MZT2A: variants seen among roughly 807,000 people sequenced by gnomAD.
MZT2A encodes mitotic spindle organizing protein 2A.
In MZT2A, 8 loss-of-function variants were observed where a neutral mutation model predicts 12.4. The observed-to-expected ratio is 0.64, with a 90% confidence interval of 0.38 to 1.16. MZT2A has a LOEUF of 1.16. Ranked by LOEUF, MZT2A falls within the 50% of genes most tolerant of loss-of-function variation. The pLI is 0.01. For synonymous variants in MZT2A, 88 were observed against 107.5 expected (o/e 0.82, Z 1.12); for missense variants, 181 against 223.6 (o/e 0.81, Z 1.22).
At chr2:131,478,737 T>G (rs55782974) in intron 2 of MZT2A, 126,071 of 356,662 alleles carry the variant, frequency 0.35, 27,136 homozygotes, top group East Asian at 0.74. Context: ...GCTGGTGCAC[T>G]AGAGTCTTGA....
chr2:131,480,634 C>G, downstream of MZT2A: 1 of 1,613,746 alleles, frequency 6.2e-7, no homozygotes. Flanking sequence ...AAGTACATGG[C>G]CTGCTGCATG....
Position 131,490,811 on chromosome 2 carries a change from A to G in MZT2A, c.319+1065T>C, listed in dbSNP as rs372071866. The G allele has an allele frequency of 2.0e-4, 305 of 1,549,914 alleles. 1 individual carries two copies. Among genetic ancestry groups the G allele is most frequent in the South Asian group, 7.5e-4 (63 of 84,054 alleles). On this transcript the variant is annotated intron_variant, in intron 2 of 2. Transcript: ENST00000309451. ...GGCAGCTGGGCTGTGGAGCATAACC[A>G]GAGAGGCCGCAGGCTGCGGGCTGGA...
downstream of MZT2A, among the ~76,000 whole-genome samples, chr2:131,483,717 AAAAC>A (rs892722381): frequency 4.1e-4 from 60 of 145,286 alleles, no homozygotes; most frequent in South Asian, 1.7e-3. Flanking sequence ...TCCGTTTCAG[AAAAC>A]AAACAAACAA....
At chr2:131,476,174 G>C (rs746771460) in intron 2 of MZT2A, 4 of 1,613,862 alleles carry the variant, frequency 2.5e-6, no homozygotes, top group Non-Finnish European at 3.4e-6. Context: ...TGGCAGTAGC[G>C]TTGGGCTGAA....
In MZT2A at chr2:131,478,223, G is replaced by C. The variant is rs1312956944; in HGVS notation, c.279-6041C>G. On this transcript the variant is annotated intron_variant and NMD_transcript_variant, in intron 2 of 4. Coordinates refer to the MZT2A transcript ENST00000427024. ...GTGTCCAGATCGGCAATGCCTGCTG[G>C]GAACTGTACTGCCTTGAACATGGAA... The C allele has an allele frequency of 8.1e-6, 13 of 1,613,982 alleles. No homozygotes were observed. The Admixed American group carries it at 2.0e-4, about 25-fold the overall frequency.
intron 2 of MZT2A, chr2:131,491,625 G>C: frequency 1.6e-6 from 1 of 620,070 alleles, no homozygotes; most frequent in Non-Finnish European, 2.7e-6. Context: ...GAGGAGCTAA[G>C]CGGAGGAGCC....
intron 2 of MZT2A, chr2:131,490,196 G>C: frequency 1.3e-6 from 1 of 755,108 alleles, no homozygotes; most frequent in African/African-American, 1.9e-5. Context: ...CCTGGAAAGT[G>C]TCCCAACTCA....
At chr2:131,480,503 C>T (rs767080289), downstream of MZT2A, 22 of 1,591,500 alleles carry the variant, frequency 1.4e-5, 1 homozygote, top group Non-Finnish European at 1.8e-5. Flanking sequence ...TCCCCCTGGC[C>T]ACCTATGCCC....
upstream of MZT2A, chr2:131,492,706 C>T: frequency 7.9e-7 from 1 of 1,261,248 alleles, no homozygotes. Flanking sequence ...ATACATTGGG[C>T]GCTCAGTCAA....
At chr2:131,486,566 A>C (rs1679059564) in intron 2 of MZT2A, 2 of 152,134 alleles carry the variant, frequency 1.3e-5, no homozygotes, top group South Asian at 4.1e-4. Flanking sequence ...TCCCTTCTGG[A>C]AACAAGGATG....
chr2:131,485,699 A>G (rs893332400), intron 2 of MZT2A, among the ~76,000 whole-genome samples: 2 of 152,076 alleles, frequency 1.3e-5, no homozygotes, highest in Non-Finnish European at 2.9e-5. Flanking sequence ...CCAACAGAAC[A>G]CCCAGCCTCA....
chr2:131,483,194 G>A (rs1225098160), downstream of MZT2A, among the ~76,000 whole-genome samples: 1 of 152,130 alleles, frequency 6.6e-6, no homozygotes, highest in Non-Finnish European at 1.5e-5. Flanking sequence ...GTGATTTTTC[G>A]GGCTTCTTTA....
chr2:131,476,168 A>G lies in MZT2A; in HGVS notation c.279-3986T>C, dbSNP rs200248243. On this transcript the variant is annotated intron_variant and NMD_transcript_variant, in intron 2 of 4. Transcript: ENST00000427024. ...CTGTGGCAGCCGGTTGAGGTCTGGC[A>G]GTAGCGTTGGGCTGAAGCAGCGGAG... is the stretch of plus-strand genomic sequence containing the variant. 352 of 1,613,804 alleles carry G rather than the reference A, an allele frequency of 2.2e-4. No homozygotes were observed. In the Middle Eastern group the frequency reaches 4.8e-3, roughly 22 times the overall value.
intron 2 of MZT2A, chr2:131,490,960 G>A: frequency 6.5e-7 from 1 of 1,549,172 alleles, no homozygotes; most frequent in Non-Finnish European, 8.7e-7. Flanking sequence ...CAGCACGCAG[G>A]TGCCCGGGCC....
chr2:131,488,199 G>A (rs912609245), intron 2 of MZT2A, among the ~76,000 whole-genome samples: 2 of 152,152 alleles, frequency 1.3e-5, no homozygotes, highest in African/African-American at 4.8e-5. Flanking sequence ...CATCTTACAC[G>A]CATGCTCTGG....
intron 2 of MZT2A, among the ~76,000 whole-genome samples, chr2:131,475,651 C>G (rs1180887420): frequency 1.1e-4 from 16 of 152,092 alleles, no homozygotes; most frequent in African/African-American, 9.7e-5. Context: ...TTTTGGGTCA[C>G]AAAAGTGATT....
At chr2:131,486,739 C>T (rs2104735205) in intron 2 of MZT2A, among the ~76,000 whole-genome samples, 1 of 152,126 alleles carries the variant, frequency 6.6e-6, no homozygotes, top group Non-Finnish European at 1.5e-5. Flanking sequence ...GATCTTCCTG[C>T]CTCAGCCTCG....
intron 2 of MZT2A, among the ~76,000 whole-genome samples, chr2:131,475,831 T>C (rs545027706): frequency 8.3e-4 from 126 of 152,154 alleles, no homozygotes; most frequent in African/African-American, 3.0e-3. Context: ...GGAGGGGCAG[T>C]GGCACACTGG....
chr2:131,490,671 A>T, intron 2 of MZT2A: 1 of 1,549,366 alleles, frequency 6.5e-7, no homozygotes, highest in Non-Finnish European at 8.7e-7. Context: ...CATGAAAACA[A>T]GGAAGAGCAC....
Sources: allele counts gnomAD v4.1 joint callset (sites outside exome capture counted in the v4.1 genomes callset), GRCh38; gene constraint gnomAD v4.1.1; transcripts MANE v1.5; gene names NCBI Gene and HGNC (gene_info 2026-07-23, HGNC 2026-07-21).